LAP3: variants seen among roughly 807,000 people sequenced by gnomAD.
LAP3 encodes cytosol aminopeptidase.
Under a neutral mutation model 58.8 loss-of-function variants are expected in LAP3, and 46 were observed. That is an observed-to-expected ratio of 0.78 (90% confidence interval 0.62 to 1.00). The LOEUF (loss-of-function observed/expected upper bound fraction) is 1.00. Ranked by LOEUF, LAP3 falls within the 50% of genes least tolerant of loss-of-function variation. The probability of loss-of-function intolerance (pLI) is 0.00; values close to 1 mark genes in which losing one functional copy is unlikely to be tolerated. For synonymous variants in LAP3, 257 were observed against 237.7 expected, an observed-to-expected ratio of 1.08 and a Z score of -0.75; for missense variants, 615 against 659.1, an observed-to-expected ratio of 0.93 and a Z score of 0.73.
chr4:17,577,237 A>AATGCGGGCGCACACGC lies in LAP3; in HGVS notation c.-217_-216insACGCATGCGGGCGCAC, dbSNP rs1713215280. The AATGCGGGCGCACACGC allele has an allele frequency of 5.4e-6, 2 of 370,454 alleles. No individual in the cohort carries two copies. The highest frequency in any genetic ancestry group is 4.7e-6 in the Non-Finnish European group (1 of 213,166). The allele number at this position is 370,454 out of a possible 1,614,324, so 22.9% of individuals were successfully genotyped here. On this transcript the variant is annotated 5_prime_UTR_variant, in exon 1 of 13. The change creates a new upstream start codon in the 5' untranslated region. Transcript: ENST00000226299. ...GCGCACACGAATGCGGGCGCACACGAATGCGGGCGCACCCTTGAGTCCCCT... is the reference window on the plus strand; with the variant it reads ...GCGCACACGAATGCGGGCGCACACGAATGCGGGCGCACACGCATGCGGGCGCACCCTTGAGTCCCCT...
rs563331474 is a variant in LAP3, at chr4:17,597,597, AG to A, written c.1077+464del. On this transcript the variant is annotated intron_variant, in intron 9 of 12. Transcript: ENST00000226299. ...GAGTAGCTTTTCTTGCAAAGGCAGA[AG>A]TATCTTTTTTGGGGGATTTTGAAGA... Among the ~76,000 whole-genome samples, 104 of 152,348 alleles carry A rather than the reference AG, an allele frequency of 6.8e-4. 1 individual carries two copies. The South Asian group carries it at 8.9e-3, about 13-fold the overall frequency.
Position 17,597,106 on chromosome 4 carries a change from T to C in LAP3, c.1049T>C (p.Val350Ala). The C allele has an allele frequency of 6.2e-7, 1 of 1,614,194 alleles. No individual in the cohort carries two copies. The change falls in exon 9 of 13, where the codon GTT (valine) becomes GCT (alanine). Residue 350 changes from valine (V) to alanine (A), a missense_variant. By Grantham distance (64) the Val-to-Ala change is moderately conservative. Transcript: ENST00000226299. The part of the protein sequence containing the change: ...SGKANKPGDV[V>A]RAKNGKTIQV... ...AAGGCCAACAAGCCGGGGGATGTTG[T>C]TAGAGCCAAAAACGGGAAGACCATC...
rs373288585 is a variant in LAP3, at chr4:17,595,384, A to G, written c.864-26A>G. 7.8e-5 allele frequency: 126 copies of G among 1,611,436 alleles called. No individual in the cohort carries two copies. The South Asian group carries it at 1.2e-3, about 15-fold the overall frequency. On this transcript the variant is annotated intron_variant, in intron 7 of 12. Coordinates refer to ENST00000226299, the MANE Select transcript of LAP3 (RefSeq NM_015907.3). ...TTTGGCCATCTTCTTTGCTCTTAATATTGCACGTTGTCCATTTCCCCATAG... is the reference window on the plus strand; with the variant it reads ...TTTGGCCATCTTCTTTGCTCTTAATGTTGCACGTTGTCCATTTCCCCATAG...
chr4:17,582,587 A>C lies in LAP3; in HGVS notation c.379+194A>C, dbSNP rs1221070177. The C allele has an allele frequency of 4.3e-5, 23 of 538,600 alleles. No individual in the cohort carries two copies. In the East Asian group the frequency reaches 7.1e-4, roughly 17 times the overall value. 33.4% of individuals were successfully genotyped at this position (538,600 alleles called of 1,614,324 possible). On this transcript the variant is annotated intron_variant, in intron 4 of 12. Coordinates refer to ENST00000226299, the MANE Select transcript of LAP3 (RefSeq NM_015907.3). ...ATAAATACAGAAGGTTAGCTAATGGAATTTTATTTTTAATATATCTATATC... is the reference window on the plus strand; with the variant it reads ...ATAAATACAGAAGGTTAGCTAATGGCATTTTATTTTTAATATATCTATATC...
chr4:17,595,099 C>A (rs1376251357), intron 7 of LAP3, among the ~76,000 whole-genome samples: 1 of 149,058 alleles, frequency 6.7e-6, no homozygotes, highest in Admixed American at 6.7e-5. Flanking sequence ...GAGATCGAGA[C>A]CATCCTGGCT....
At chr4:17,606,659 T>C in intron 11 of LAP3, among the ~76,000 whole-genome samples, 170 bp from the exon 12 acceptor site, 1 of 152,002 alleles carries the variant, frequency 6.6e-6, no homozygotes, top group Middle Eastern at 3.2e-3. Context: ...TTTATAGTTC[T>C]AAAATAAATC....
rs374801984 is a variant in LAP3, at chr4:17,595,340, AC to A, written c.864-69del. On this transcript the variant is annotated intron_variant, in intron 7 of 12. Transcript: ENST00000226299. ...GGCGTGAGCCACCGTGCCCATCTGT[AC>A]TTTTTAAATAAAGTGATTTTGGCCA... is the stretch of plus-strand genomic sequence containing the variant. The A allele has an allele frequency of 3.2e-5, 50 of 1,576,794 alleles. No homozygotes were observed. In the African/African-American group the frequency reaches 6.5e-4, roughly 20 times the overall value.
Position 17,607,629 on chromosome 4 carries a change from G to A in LAP3, c.*40G>A, listed in dbSNP as rs1460309319. The A allele has an allele frequency of 6.9e-7, 1 of 1,449,462 alleles. No homozygotes were observed. The highest frequency in any genetic ancestry group is 2.4e-5 in the East Asian group (1 of 42,010). 89.8% of individuals were successfully genotyped at this position (1,449,462 alleles called of 1,614,324 possible). ...AATGTCTTCACTCTGTCTTAAATTG[G>A]ACAGTTGAACTTAAAAGGTTTTTGA... On this transcript the variant is annotated 3_prime_UTR_variant, in exon 13 of 13. Coordinates refer to ENST00000226299, the MANE Select transcript of LAP3 (RefSeq NM_015907.3).
chr4:17,606,405 G>A (rs1453207178), intron 11 of LAP3, among the ~76,000 whole-genome samples: 3 of 152,042 alleles, frequency 2.0e-5, no homozygotes, highest in East Asian at 3.9e-4. Flanking sequence ...GTGGCACTCC[G>A]TTGGCTCCCT....
intron 3 of LAP3, chr4:17,582,047 ATTAT>A (rs1713378176): frequency 5.1e-6 from 3 of 592,342 alleles, no homozygotes; most frequent in Non-Finnish European, 9.0e-6. Context: ...CTTACACAGA[ATTAT>A]TTGCAAGAGT....
At chr4:17,591,812 T>C (rs6826073) in intron 7 of LAP3, among the ~76,000 whole-genome samples, 7,167 of 152,100 alleles carry the variant, frequency 0.047, 384 homozygotes, top group African/African-American at 0.13. Flanking sequence ...ACACAGAAGC[T>C]TGGTCGCTGC....
At chr4:17,598,329 G>C (rs987011153) in intron 9 of LAP3, 127 bp from the exon 10 acceptor site, 3 of 723,328 alleles carry the variant, frequency 4.1e-6, no homozygotes, top group Non-Finnish European at 7.6e-6. Flanking sequence ...ATTGAAGTAT[G>C]AATGGTTTGA....
intron 8 of LAP3, 55 bp from the exon 9 acceptor site, chr4:17,596,991 G>T (rs1176110731): frequency 8.4e-6 from 13 of 1,552,956 alleles, no homozygotes; most frequent in Non-Finnish European, 1.2e-5. Flanking sequence ...TGTCCCATAG[G>T]TGGCATGTTT....
chr4:17,600,440 C>T (rs1368392700), intron 10 of LAP3, among the ~76,000 whole-genome samples: 5 of 151,988 alleles, frequency 3.3e-5, no homozygotes, highest in Admixed American at 6.6e-5. Flanking sequence ...GGCAGTGAAG[C>T]GAGTACCCCC....
At position 17,607,320 on chromosome 4, in the gene LAP3, T is replaced by C. The variant is rs1714166159; in HGVS notation, c.1371-80T>C. 4 of 1,231,340 alleles carry C rather than the reference T, an allele frequency of 3.2e-6. No homozygotes were observed. In the African/African-American group the frequency reaches 4.5e-5, roughly 14 times the overall value. The allele number at this position is 1,231,340 out of a possible 1,614,324, so 76.3% of individuals were successfully genotyped here. On this transcript the variant is annotated intron_variant, in intron 12 of 12. Coordinates refer to ENST00000226299, the MANE Select transcript of LAP3 (RefSeq NM_015907.3). ...AAGCTTGACTCTTGTTCTTTGGTTA[T>C]AGAATGTACTTAGCAAAAATGTGGG...
chr4:17,607,073 A>T, intron 12 of LAP3, 135 bp downstream of exon 12: 1 of 585,286 alleles, frequency 1.7e-6, no homozygotes, highest in East Asian at 3.0e-5. Flanking sequence ...AAGATTTTTA[A>T]TGTCTTGAAT....
rs754974071 is a variant in LAP3 at position 17,606,925 on chromosome 4, A to G, written c.1357A>G (p.Ile453Val). Reference sequence around the variant, plus strand: ...TTGCCAGCTTGCTGATGTTAACAACATTGGAAAATACAGGTATGTAAGCTA... The same window carrying G: ...TTGCCAGCTTGCTGATGTTAACAACGTTGGAAAATACAGGTATGTAAGCTA... ...VDCQLADVNN[I>V]GKYRSAGACT... The change falls in exon 12 of 13, where the codon ATT (isoleucine) becomes GTT (valine). Residue 453 changes from isoleucine to valine, a missense_variant. Physicochemically the swap from Ile to Val is conservative, Grantham distance 29. Coordinates refer to ENST00000226299, the MANE Select transcript of LAP3 (RefSeq NM_015907.3). 3.1e-6 allele frequency: 5 copies of G among 1,606,392 alleles called. No homozygotes were observed. The highest frequency in any genetic ancestry group is 2.2e-5 in the East Asian group (1 of 44,828).
Position 17,577,408 on chromosome 4 carries a change from C to T in LAP3, c.-58C>T, listed in dbSNP as rs1577216794. On this transcript the variant is annotated 5_prime_UTR_variant, in exon 1 of 13. Transcript: ENST00000226299. ...CCGAAAGCCCCGCCCCAAGGCGCGC[C>T]CGCCCACCGCTCTCCACGTGCTCGC... 7.4e-7 allele frequency: 1 copy of T among 1,359,912 alleles called. No homozygotes were observed. Among genetic ancestry groups the T allele is most frequent in the East Asian group, 3.0e-5 (1 of 33,410 alleles). The allele number at this position is 1,359,912 out of a possible 1,614,324, so 84.2% of individuals were successfully genotyped here.
intron 11 of LAP3, 44 bp from the exon 12 acceptor site, chr4:17,606,785 A>T: frequency 7.4e-7 from 1 of 1,351,980 alleles, no homozygotes; most frequent in Non-Finnish European, 1.0e-6. Context: ...AATTTCCCAC[A>T]ACCTGCCTCA....
Sources: gnomAD v4.1 joint callset for allele counts (sites outside exome capture counted in the v4.1 genomes callset) on GRCh38, gnomAD v4.1.1 for gene constraint, MANE v1.5 for transcripts, NCBI Gene and HGNC (gene_info 2026-07-23, HGNC 2026-07-21) for gene names.